Variants in PDE4DIP observed in about 807,000 individuals in gnomAD.
PDE4DIP encodes myomegalin.
A neutral mutation model predicts 221.4 loss-of-function variants in PDE4DIP; 59 were observed. The observed-to-expected ratio is 0.27, with a 90% CI of 0.22 to 0.33. The LOEUF is 0.33. PDE4DIP is among the 10% of genes least tolerant of loss of function. PDE4DIP has a pLI of 1.00. For missense variants in PDE4DIP, 1,036 were observed against 2,154.2 expected (o/e 0.48, Z 10.28); for synonymous variants, 404 against 815.9 (o/e 0.50, Z 8.60).
intron 1 of PDE4DIP, among the ~76,000 whole-genome samples, chr1:148,920,224 C>T (rs1553461323): frequency 6.9e-6 from 1 of 144,192 alleles, no homozygotes; most frequent in African/African-American, 2.8e-5. Context: ...CCTCCGCCTC[C>T]TGGGTTCAAG....
intron 6 of PDE4DIP, among the ~76,000 whole-genome samples, chr1:148,961,081 C>T (rs1778125): frequency 2.0e-5 from 3 of 151,726 alleles, no homozygotes; most frequent in African/African-American, 4.8e-5. Flanking sequence ...CCAAGGCAGG[C>T]GGATCACGAG....
rs587607087 is a variant in PDE4DIP, at chr1:149,010,031, G to A, written c.4927+240G>A. Among the ~76,000 whole-genome samples the A allele has an allele frequency of 3.2e-3, 481 of 152,302 alleles. 5 individuals are homozygous for A. Among genetic ancestry groups the A allele is most frequent in the African/African-American group, 0.011 (465 of 41,552 alleles). On this transcript the variant is annotated intron_variant, in intron 30 of 43. Coordinates refer to ENST00000369354, the Ensembl canonical transcript of PDE4DIP. ...TTGGGCACAAAGTGAGCCACTGTGGGGAGAGTGAGAAGATCACGGCAGACT... is the reference window on the plus strand; with the variant it reads ...TTGGGCACAAAGTGAGCCACTGTGGAGAGAGTGAGAAGATCACGGCAGACT...
At chr1:149,013,076 G>C (rs1285814375) in intron 32 of PDE4DIP, among the ~76,000 whole-genome samples, 1 of 152,190 alleles carries the variant, frequency 6.6e-6, no homozygotes, top group African/African-American at 2.4e-5. Flanking sequence ...CTGGTGGACT[G>C]CTCATTGGTT....
intron 5 of PDE4DIP, chr1:148,952,616 G>C (rs1324350): frequency 0.19 from 245,143 of 1,313,662 alleles, 4,729 homozygotes; most frequent in Non-Finnish European, 0.2. Flanking sequence ...GTCGGCGCGC[G>C]GGGCAGGGGC....
At chr1:148,859,309 G>A (rs1217908285) in intron 1 of PDE4DIP, among the ~76,000 whole-genome samples, 1 of 148,794 alleles carries the variant, frequency 6.7e-6, no homozygotes, top group African/African-American at 2.4e-5. Context: ...TGTTATTTGA[G>A]TCTAATATCT....
rs587721723 is a variant in PDE4DIP, at chr1:148,969,768, G to T, written c.1980+738G>T. 2.5e-3 allele frequency among the ~76,000 whole-genome samples: 370 copies of T among 149,842 alleles called. 2 individuals are homozygous for T. The highest frequency in any genetic ancestry group is 8.8e-3 in the African/African-American group (356 of 40,598). Reference sequence around the variant, plus strand: ...TGTCACCCAGCTGGAGTGCGATGGCGCAATCTTGGCTCACTGCAACCTCTG... The same window carrying T: ...TGTCACCCAGCTGGAGTGCGATGGCTCAATCTTGGCTCACTGCAACCTCTG... On this transcript the variant is annotated intron_variant, in intron 14 of 43. Coordinates refer to ENST00000369354, the Ensembl canonical transcript of PDE4DIP.
At chr1:149,024,539 G>A (rs189778297) in exon 38 of PDE4DIP, 2 of 930,370 alleles carry the variant, frequency 2.1e-6, no homozygotes, top group African/African-American at 3.3e-5. Flanking sequence ...AGCTGGAGCA[G>A]AGCATTCAGG....
intron 40 of PDE4DIP, 23 bp from the exon 44 acceptor site, chr1:149,028,537 C>A: frequency 6.2e-7 from 1 of 1,607,618 alleles, no homozygotes; most frequent in Non-Finnish European, 8.5e-7. Context: ...TCTCTCCGCT[C>A]CTGTGGTGTT....
chr1:148,976,417 C>T (rs1486214602), intron 17 of PDE4DIP, among the ~76,000 whole-genome samples: 6 of 152,326 alleles, frequency 3.9e-5, no homozygotes, highest in Non-Finnish European at 1.5e-5. Flanking sequence ...CTTAATTTCT[C>T]TCAGACTCAA....
intron 5 of PDE4DIP, among the ~76,000 whole-genome samples, chr1:148,940,697 G>A (rs1427703703): frequency 5.3e-5 from 8 of 151,094 alleles, no homozygotes; most frequent in African/African-American, 4.9e-5. Context: ...ACAGGAGGCC[G>A]CTGATAGTTG....
chr1:148,984,020 T>A (rs1471908630), intron 21 of PDE4DIP: 1 of 152,068 alleles, frequency 6.6e-6, no homozygotes, highest in Non-Finnish European at 1.5e-5. Flanking sequence ...CAAGAGGACT[T>A]ATTTAATGAG....
intron 1 of PDE4DIP, among the ~76,000 whole-genome samples, chr1:148,824,150 G>GA: frequency 6.9e-6 from 1 of 145,824 alleles, no homozygotes; most frequent in Non-Finnish European, 1.5e-5. Context: ...TCAGAAATCT[G>GA]GGAGCAGCTT....
chr1:148,818,108 C>T (rs1479227108), intron 1 of PDE4DIP, among the ~76,000 whole-genome samples: 4 of 149,244 alleles, frequency 2.7e-5, no homozygotes, highest in African/African-American at 1.0e-4. Context: ...GGCACTGTGC[C>T]CCGCCCATGT....
At chr1:148,969,678 T>A (rs1224339137) in intron 14 of PDE4DIP, among the ~76,000 whole-genome samples, 1 of 149,828 alleles carries the variant, frequency 6.7e-6, no homozygotes, top group African/African-American at 2.4e-5. Context: ...ACAGGGTATA[T>A]TAATTTCACA....
intron 1 of PDE4DIP, among the ~76,000 whole-genome samples, chr1:148,817,936 C>T (rs1553357434): frequency 1.4e-5 from 2 of 143,174 alleles, no homozygotes; most frequent in Admixed American, 6.9e-5. Context: ...CCTGTCTCAG[C>T]CTCCTGAGTA....
In PDE4DIP at chr1:148,959,615, T is replaced by C. The variant is rs113638748; in HGVS notation, c.637-1039T>C. ...AATTTGTAGTTTTATTTTAACATCC[T>C]TAGCTTGTAATGATTACTAAGAATA... On this transcript the variant is annotated intron_variant, in intron 5 of 43. Transcript: ENST00000369354. 3.0e-3 allele frequency among the ~76,000 whole-genome samples: 453 copies of C among 150,280 alleles called. 5 individuals are homozygous for C. Among genetic ancestry groups the C allele is most frequent in the African/African-American group, 0.01 (426 of 41,138 alleles).
intron 5 of PDE4DIP, chr1:148,952,135 G>A: frequency 9.7e-7 from 1 of 1,029,776 alleles, no homozygotes; most frequent in Non-Finnish European, 1.2e-6. Context: ...GATCCTTGAG[G>A]GCACTGGTGC....
intron 16 of PDE4DIP, among the ~76,000 whole-genome samples, chr1:148,973,255 G>A (rs587743346): frequency 8.4e-4 from 127 of 151,750 alleles, no homozygotes; most frequent in African/African-American, 2.8e-3. Flanking sequence ...CTCACCTCTC[G>A]AGTAGCTGGG....
In PDE4DIP at chr1:148,892,481, A is replaced by G. The variant is rs1410105704; in HGVS notation, c.141+2587A>G. Among the ~76,000 whole-genome samples the G allele has an allele frequency of 1.7e-5, 2 of 120,810 alleles. 1 individual carries two copies. The highest frequency in any genetic ancestry group is 6.9e-5 in the African/African-American group (2 of 29,064). 79.3% of individuals were successfully genotyped at this position (120,810 alleles called of 152,430 possible). On this transcript the variant is annotated intron_variant, in intron 1 of 43. Transcript: ENST00000369354. ...AGCTGCACAAGGTGTATGTGGGGGG[A>G]GTGGAACACAGCCTATTGTCACATG...
Sources: gnomAD v4.1 joint callset for allele counts (sites outside exome capture counted in the v4.1 genomes callset) on GRCh38, gnomAD v4.1.1 for gene constraint, MANE v1.5 for transcripts, NCBI Gene and HGNC (gene_info 2026-07-23, HGNC 2026-07-21) for gene names.